The following STK32B variants were observed in gnomAD, a reference collection of about 807,000 sequenced individuals.
The protein encoded by STK32B is serine/threonine kinase 32B.
Under a neutral mutation model 52.6 loss-of-function variants are expected in STK32B, and 43 were observed. That is an observed-to-expected ratio of 0.82 (90% CI 0.64 to 1.05). STK32B has a LOEUF of 1.05. STK32B is among the 50% of genes least tolerant of loss of function. The pLI, the probability that STK32B is intolerant of heterozygous loss-of-function variation, is 0.00. For missense variants in STK32B, 621 were observed against 534.6 expected, an observed-to-expected ratio of 1.16 and a Z score of -1.59; for synonymous variants, 238 against 204.3, an observed-to-expected ratio of 1.17 and a Z score of -1.41.
intron 4 of STK32B, among the ~76,000 whole-genome samples, chr4:5,383,502 T>C (rs1028612268): frequency 6.6e-6 from 1 of 152,188 alleles, no homozygotes; most frequent in African/African-American, 2.4e-5. Context: ...TAGCATCCCA[T>C]TGTGAGCCAG....
chr4:5,090,728 C>T (rs183291882), intron 1 of STK32B, among the ~76,000 whole-genome samples: 71 of 152,152 alleles, frequency 4.7e-4, no homozygotes, highest in African/African-American at 1.3e-3. Flanking sequence ...CAATTTTCTG[C>T]ATATGGCTAG....
At chr4:5,115,260 C>T (rs1714651325) in intron 1 of STK32B, among the ~76,000 whole-genome samples, 1 of 152,078 alleles carries the variant, frequency 6.6e-6, no homozygotes, top group South Asian at 2.1e-4. Context: ...GGGCCTCACA[C>T]AATGATTTGC....
intron 11 of STK32B, among the ~76,000 whole-genome samples, chr4:5,473,975 G>A (rs570919822): frequency 3.0e-4 from 45 of 152,214 alleles, no homozygotes; most frequent in Non-Finnish European, 5.6e-4. Flanking sequence ...TTAGTCTGGT[G>A]TGGTGGTACA....
intron 4 of STK32B, among the ~76,000 whole-genome samples, chr4:5,342,937 C>A (rs112075673): frequency 2.8e-4 from 43 of 152,256 alleles, no homozygotes; most frequent in Admixed American, 2.0e-3. Flanking sequence ...CCTAGAACTT[C>A]TCTGACCAAA....
chr4:5,339,890 G>T (rs115352723), intron 4 of STK32B, among the ~76,000 whole-genome samples: 3,739 of 152,228 alleles, frequency 0.025, 241 homozygotes, highest in Admixed American at 0.15. Flanking sequence ...TCCTCTGTCT[G>T]GGGGAACTGG....
intron 6 of STK32B, among the ~76,000 whole-genome samples, chr4:5,437,471 T>C (rs1487039471): frequency 6.6e-6 from 1 of 152,238 alleles, no homozygotes; most frequent in Non-Finnish European, 1.5e-5. Flanking sequence ...CTCAGATCTT[T>C]CCTTTCTCTT....
intron 3 of STK32B, among the ~76,000 whole-genome samples, chr4:5,188,695 C>G (rs1489185488): frequency 6.6e-6 from 1 of 152,022 alleles, no homozygotes; most frequent in Non-Finnish European, 1.5e-5. Context: ...TTTTAATTAT[C>G]TTGTTTATTT....
In STK32B at chr4:5,500,759, C is replaced by G. The variant is rs994232710; in HGVS notation, c.*1676C>G. On this transcript the variant is annotated 3_prime_UTR_variant, in exon 12 of 12. Coordinates refer to ENST00000282908, the MANE Select transcript of STK32B (RefSeq NM_018401.3). ...CAGTTGACTTGTTTTGCACACTTTT[C>G]TTTACTTCATGTCCCCATCAACAAC... 1.3e-5 allele frequency: 2 copies of G among 152,098 alleles called. No homozygotes were observed. Among genetic ancestry groups the G allele is most frequent in the Non-Finnish European group, 2.9e-5 (2 of 68,020 alleles). 9.4% of individuals were successfully genotyped at this position (152,098 alleles called of 1,614,324 possible). A position where few individuals can be genotyped will look rare whatever the true frequency, so the allele number is the denominator to read the frequency against.
chr4:5,352,997 G>A (rs1733936624), intron 4 of STK32B, among the ~76,000 whole-genome samples: 1 of 152,036 alleles, frequency 6.6e-6, no homozygotes. Flanking sequence ...CAAAATAACT[G>A]ACTTCAGAAT....
chr4:5,438,492 G>C (rs1056179565), intron 6 of STK32B, among the ~76,000 whole-genome samples: 1 of 152,212 alleles, frequency 6.6e-6, no homozygotes, highest in Non-Finnish European at 1.5e-5. Flanking sequence ...AGGCTGAGGA[G>C]GATGGCATTT....
At chr4:5,164,719 G>A (rs186138998) in intron 2 of STK32B, among the ~76,000 whole-genome samples, 5 of 152,240 alleles carry the variant, frequency 3.3e-5, no homozygotes, top group African/African-American at 7.2e-5. Context: ...GAGGGTGGGC[G>A]ACTTGCCTAT....
rs182324847 is a variant in STK32B, at chr4:5,291,978, A to G, written c.261-39242A>G. 2.2e-4 allele frequency among the ~76,000 whole-genome samples: 34 copies of G among 152,260 alleles called. No homozygotes were observed. The East Asian group carries it at 6.4e-3, about 29-fold the overall frequency. On this transcript the variant is annotated intron_variant, in intron 3 of 11. Coordinates refer to ENST00000282908, the MANE Select transcript of STK32B (RefSeq NM_018401.3). Reference sequence around the variant, plus strand: ...GCCCAGATAGCAAACCTAGTACCCAATAAGTAGTTTTACCACGTTTTCTTT... The same window carrying G: ...GCCCAGATAGCAAACCTAGTACCCAGTAAGTAGTTTTACCACGTTTTCTTT...
intron 3 of STK32B, among the ~76,000 whole-genome samples, chr4:5,305,235 A>G (rs1248287114): frequency 1.3e-5 from 2 of 151,670 alleles, no homozygotes; most frequent in African/African-American, 2.4e-5. Flanking sequence ...CTCTTTCTTT[A>G]TCTTTTGGAA....
intron 4 of STK32B, among the ~76,000 whole-genome samples, chr4:5,332,995 G>A (rs766859839): frequency 1.4e-4 from 21 of 152,126 alleles, no homozygotes; most frequent in Non-Finnish European, 1.9e-4. Flanking sequence ...ATTTATAGTC[G>A]TTTGGGTATA....
At chr4:5,420,311 C>T (rs1712516468) in intron 6 of STK32B, among the ~76,000 whole-genome samples, 1 of 152,164 alleles carries the variant, frequency 6.6e-6, no homozygotes, top group South Asian at 2.1e-4. Context: ...AACACTTACT[C>T]CAACAAGGCT....
intron 1 of STK32B, among the ~76,000 whole-genome samples, chr4:5,120,816 C>T (rs1333620460): frequency 2.0e-5 from 3 of 151,458 alleles, no homozygotes. Flanking sequence ...AGAGAAAATA[C>T]ATATAGAAAA....
At position 5,058,536 on chromosome 4, in the gene STK32B, G is replaced by A. The variant is rs1319876293; in HGVS notation, c.52+6621G>A. Among the ~76,000 whole-genome samples, 2 of 152,090 alleles carry A rather than the reference G, an allele frequency of 1.3e-5. No homozygotes were observed. The highest frequency in any genetic ancestry group is 2.4e-5 in the African/African-American group (1 of 41,410). On this transcript the variant is annotated intron_variant, in intron 1 of 11. Coordinates refer to ENST00000282908, the MANE Select transcript of STK32B (RefSeq NM_018401.3). This position sits in a 1 kb window ranked among gnomAD's most constrained non-coding sequence, Gnocchi z 4.8. ...CTGCACTGAGACATGGCATGAGTGG[G>A]ACAGACTCTTTTCCCATCTTTTTTT...
rs75047615 is a variant in STK32B, at chr4:5,332,803, G to A, written c.434+1410G>A. Among the ~76,000 whole-genome samples the A allele has an allele frequency of 9.3e-3, 1,421 of 152,184 alleles. 55 individuals carry two copies. The East Asian group carries it at 0.11, about 12-fold the overall frequency. The stretch of plus-strand genomic sequence containing the variant: ...AGAATGATGATTTCCAATTTCATCC[G>A]TGTCTCAAAAAGGACATGAACTCAT... On this transcript the variant is annotated intron_variant, in intron 4 of 11. Coordinates refer to ENST00000282908, the MANE Select transcript of STK32B (RefSeq NM_018401.3).
rs576355993 is a variant in STK32B at position 5,474,070 on chromosome 4, C to T, written c.1106+6000C>T. Reference sequence around the variant, plus strand: ...CAGAAGTTGCAGTGAGCCAAGACCGCGCCACTGCACTCCAGCCTGGGAGAC... The same window carrying T: ...CAGAAGTTGCAGTGAGCCAAGACCGTGCCACTGCACTCCAGCCTGGGAGAC... On this transcript the variant is annotated intron_variant, in intron 11 of 11. Transcript: ENST00000282908. 9.5e-4 allele frequency among the ~76,000 whole-genome samples: 144 copies of T among 152,078 alleles called. 1 individual carries two copies. Among genetic ancestry groups the T allele is most frequent in the African/African-American group, 3.4e-3 (140 of 41,486 alleles).
Sources: gnomAD v4.1 joint callset for allele counts (sites outside exome capture counted in the v4.1 genomes callset) on GRCh38, gnomAD v4.1.1 for gene constraint, Gnocchi (gnomAD v3.1) non-coding constraint, MANE v1.5 for transcripts, NCBI Gene and HGNC (gene_info 2026-07-23, HGNC 2026-07-21) for gene names.